Variants in NFIB observed in about 807,000 individuals in gnomAD.
NFIB encodes nuclear factor I B, also known as nuclear factor 1 B-type.
Under a neutral mutation model 61.5 loss-of-function variants are expected in NFIB, and 11 were observed. The ratio of observed to expected loss-of-function variants is 0.18; its 90% confidence interval spans 0.11 to 0.30. NFIB has a LOEUF of 0.30. Among genes scored for constraint, NFIB ranks in the 10% least tolerant of loss-of-function variants. The pLI is 1.00. For missense variants in NFIB, 471 were observed against 608.9 expected (o/e 0.77, Z 2.38); for synonymous variants, 260 against 216.5 (o/e 1.20, Z -1.76).
At chr9:14,314,165 G>A (rs2060429125), upstream of NFIB, 5 of 961,148 alleles carry the variant, frequency 5.2e-6, no homozygotes, top group African/African-American at 9.2e-5. Context: ...GGCGCGCGCG[G>A]GAGAGGGCCG....
intron 1 of NFIB, among the ~76,000 whole-genome samples, chr9:14,373,104 A>G (rs992190509): frequency 6.6e-6 from 1 of 152,188 alleles, no homozygotes; most frequent in Non-Finnish European, 1.5e-5. Flanking sequence ...ATGACAATCA[A>G]GAAGCAAAGG....
chr9:14,168,011 G>A (rs1336422876), intron 3 of NFIB, among the ~76,000 whole-genome samples: 1 of 151,762 alleles, frequency 6.6e-6, no homozygotes, highest in Non-Finnish European at 1.5e-5. Context: ...TTCATCATCA[G>A]TATGCTACAT....
the NFIB span, among the ~76,000 whole-genome samples, chr9:14,407,552 A>T: frequency 1.3e-5 from 2 of 152,190 alleles, no homozygotes. Flanking sequence ...GAGGATAAAC[A>T]AACTTCATCT....
the NFIB span, among the ~76,000 whole-genome samples, chr9:14,427,155 T>C: frequency 2.0e-5 from 3 of 152,186 alleles, no homozygotes; most frequent in African/African-American, 4.8e-5. Flanking sequence ...CAAGTGCCGA[T>C]TGACTTAACA....
chr9:14,346,288 A>ACCCCCCCCC (rs1455937583), intron 1 of NFIB, among the ~76,000 whole-genome samples: 1 of 71,952 alleles, frequency 1.4e-5, no homozygotes, highest in Non-Finnish European at 3.8e-5. Flanking sequence ...GAGGTAACCG[A>ACCCCCCCCC]CACCCCCCCC....
intron 3 of NFIB, among the ~76,000 whole-genome samples, chr9:14,172,477 T>C (rs938468182): frequency 6.6e-6 from 1 of 152,148 alleles, no homozygotes; most frequent in African/African-American, 2.4e-5. Flanking sequence ...AATACAAGCT[T>C]CTACAAGATA....
At chr9:14,344,772 GA>G (rs931740373) in intron 1 of NFIB, among the ~76,000 whole-genome samples, 4 of 127,162 alleles carry the variant, frequency 3.1e-5, no homozygotes, top group African/African-American at 2.0e-4. Context: ...ACAAAAAGGA[GA>G]AAAAAAATCC....
chr9:14,494,268 C>G, the NFIB span, among the ~76,000 whole-genome samples: 43 of 152,292 alleles, frequency 2.8e-4, no homozygotes, highest in Non-Finnish European at 2.6e-4. Flanking sequence ...TAATAAACAG[C>G]AATCTTATAC....
At chr9:14,300,524 G>A (rs923557952) in intron 2 of NFIB, among the ~76,000 whole-genome samples, 1 of 152,070 alleles carries the variant, frequency 6.6e-6, no homozygotes, top group African/African-American at 2.4e-5. Context: ...TCAGAGCCAG[G>A]GATCGCCTTT....
intron 2 of NFIB, chr9:14,300,185 C>A (rs2059673522): frequency 2.5e-6 from 1 of 398,486 alleles, no homozygotes; most frequent in Non-Finnish European, 4.4e-6. Flanking sequence ...AGACAACATA[C>A]CACGTTGCCA....
chr9:14,310,309 T>C (rs2060220460), intron 1 of NFIB, among the ~76,000 whole-genome samples: 4 of 152,192 alleles, frequency 2.6e-5, no homozygotes, highest in Admixed American at 2.6e-4. Context: ...GTTTGCCTTA[T>C]TGATATCGTT....
intron 3 of NFIB, among the ~76,000 whole-genome samples, chr9:14,171,283 G>A (rs1354901127): frequency 6.6e-6 from 1 of 152,138 alleles, no homozygotes; most frequent in Non-Finnish European, 1.5e-5. Flanking sequence ...CATGTGAAAT[G>A]CTCTTTCCTC....
chr9:14,474,252 A>G, the NFIB span, among the ~76,000 whole-genome samples: 1 of 152,170 alleles, frequency 6.6e-6, no homozygotes, highest in Non-Finnish European at 1.5e-5. Context: ...GTGCTGGCAC[A>G]TACACTGTCT....
the NFIB span, among the ~76,000 whole-genome samples, chr9:14,492,277 G>A: frequency 6.6e-6 from 1 of 151,862 alleles, no homozygotes; most frequent in African/African-American, 2.4e-5. Context: ...GCAGGAGAAT[G>A]GCATGAACCG....
chr9:14,286,242 C>A (rs1008312641), intron 2 of NFIB, among the ~76,000 whole-genome samples: 1 of 152,208 alleles, frequency 6.6e-6, no homozygotes, highest in Non-Finnish European at 1.5e-5. Context: ...CTCCAAGTTT[C>A]ATTACAGTTC....
chr9:14,346,983 G>A (rs2061031313), intron 1 of NFIB, among the ~76,000 whole-genome samples: 2 of 151,876 alleles, frequency 1.3e-5, no homozygotes, highest in South Asian at 2.1e-4. Context: ...CTCACAACAG[G>A]ACCTAGGTCT....
At chr9:14,245,348 G>C (rs926728917) in intron 2 of NFIB, among the ~76,000 whole-genome samples, 1 of 152,002 alleles carries the variant, frequency 6.6e-6, no homozygotes, top group Admixed American at 6.6e-5. Context: ...CCTTCTTGCT[G>C]CTCTCCTGAC....
intron 2 of NFIB, among the ~76,000 whole-genome samples, chr9:14,261,440 A>G (rs1048021379): frequency 1.3e-5 from 2 of 152,244 alleles, no homozygotes; most frequent in Admixed American, 1.3e-4. Context: ...TCAGCCCGTA[A>G]TAAGGCAGTG....
chr9:14,097,875 CTTTTT>C (rs71321962), intron 10 of NFIB, among the ~76,000 whole-genome samples: 14 of 110,832 alleles, frequency 1.3e-4, no homozygotes, highest in African/African-American at 3.7e-4. Context: ...TTTCTTTTTT[CTTTTT>C]TTTTTTTTTT....
Sources: gnomAD v4.1 joint callset for allele counts (sites outside exome capture counted in the v4.1 genomes callset) on GRCh38, gnomAD v4.1.1 for gene constraint, MANE v1.5 for transcripts, NCBI Gene and HGNC (gene_info 2026-07-23, HGNC 2026-07-21) for gene names.